Variants in CLVS1 observed in about 807,000 individuals in gnomAD.
The protein encoded by CLVS1 is clavesin 1.
CLVS1 carries 10 observed loss-of-function variants against 33.1 expected under a neutral mutation model. That is an observed-to-expected ratio of 0.30 (90% CI 0.19 to 0.51). The LOEUF (loss-of-function observed/expected upper bound fraction) is 0.51, where lower values mean the gene tolerates loss of function less well. CLVS1 is among the 20% of genes least tolerant of loss of function. The probability of loss-of-function intolerance (pLI) is 0.97; values close to 1 mark genes in which losing one functional copy is unlikely to be tolerated. For missense variants in CLVS1, 343 were observed against 433.4 expected (o/e 0.79, Z 1.85); for synonymous variants, 163 against 166.1 (o/e 0.98, Z 0.14).
rs185495372 is a variant in CLVS1, at chr8:61,255,365, G to A, written c.-151-44312G>A. Among the ~76,000 whole-genome samples the A allele has an allele frequency of 8.7e-4, 126 of 144,668 alleles. 1 individual carries two copies. Among genetic ancestry groups the A allele is most frequent in the South Asian group, 4.2e-3 (18 of 4,250 alleles). 94.9% of individuals were successfully genotyped at this position (144,668 alleles called of 152,430 possible). The stretch of plus-strand genomic sequence containing the variant: ...CCAGACTTCTCTTTAAGCTTCTTCC[G>A]TTATTCATTCAATCAGCAAATGTTT... On this transcript the variant is annotated intron_variant, in intron 2 of 2. Transcript: ENST00000522621.
chr8:61,499,463 CTG>C lies in CLVS1; in HGVS notation c.989_990del (p.Val330GlyfsTer9). 1 of 1,611,948 alleles carries C rather than the reference CTG, an allele frequency of 6.2e-7. No individual in the cohort carries two copies. Among genetic ancestry groups the C allele is most frequent in the Non-Finnish European group, 8.5e-7 (1 of 1,178,138 alleles). ...CCCTCCCCTCTTGTTAGATCTCAGT[CTG>C]TGGTAGAAGCTGGGACCCTGAAACA... On this transcript the variant is annotated frameshift_variant, in exon 6 of 6. Transcript: ENST00000325897. LOFTEE classifies it high-confidence loss of function.
At chr8:61,380,717 T>A (rs537077853) in intron 3 of CLVS1, among the ~76,000 whole-genome samples, 1 of 152,318 alleles carries the variant, frequency 6.6e-6, no homozygotes, top group South Asian at 2.1e-4. Flanking sequence ...ACCATTTTAA[T>A]ACAGCTCAGC....
intron 1 of CLVS1, among the ~76,000 whole-genome samples, chr8:61,118,937 C>T (rs925827568): frequency 3.3e-5 from 5 of 152,114 alleles, no homozygotes; most frequent in Non-Finnish European, 5.9e-5. Flanking sequence ...TGTTGACTTT[C>T]TGTCTCGTTG....
upstream of CLVS1, chr8:61,287,863 A>AT: frequency 3.9e-5 from 13 of 337,036 alleles, 1 homozygote; most frequent in South Asian, 2.7e-4. Flanking sequence ...ATTACAAATA[A>AT]TTATTGGTAC....
At chr8:61,457,749 T>C (rs1817218960) in intron 4 of CLVS1, among the ~76,000 whole-genome samples, 1 of 152,034 alleles carries the variant, frequency 6.6e-6, no homozygotes, top group Admixed American at 6.6e-5. Context: ...AAGACGTAAA[T>C]GAACATATCA....
chr8:61,363,054 A>C (rs983083778), intron 2 of CLVS1, among the ~76,000 whole-genome samples: 13 of 152,196 alleles, frequency 8.5e-5, no homozygotes, highest in African/African-American at 2.4e-4. Flanking sequence ...GGATTAAAGC[A>C]GGAGGTAAAA....
intron 2 of CLVS1, among the ~76,000 whole-genome samples, chr8:61,186,348 G>C (rs1240568474): frequency 6.6e-6 from 1 of 152,190 alleles, no homozygotes; most frequent in Non-Finnish European, 1.5e-5. Flanking sequence ...AAATAAAAAT[G>C]TAATGCAGTT....
At chr8:61,007,072 A>G in the CLVS1 span, among the ~76,000 whole-genome samples, 1 of 152,140 alleles carries the variant, frequency 6.6e-6, no homozygotes, top group South Asian at 2.1e-4. Flanking sequence ...ACTTAATTCC[A>G]GCGCATTTGT....
rs16927364 is a variant in CLVS1, at chr8:61,487,597, G to A, written c.978-11858G>A. On this transcript the variant is annotated intron_variant, in intron 5 of 5. Transcript: ENST00000325897. ...CTATTTTGGATGTATGTTCTCATTCGTGGCAGCCCAAATTCCATCCTGTCT... is the reference window on the plus strand; with the variant it reads ...CTATTTTGGATGTATGTTCTCATTCATGGCAGCCCAAATTCCATCCTGTCT... Among the ~76,000 whole-genome samples, 4 of 151,952 alleles carry A rather than the reference G, an allele frequency of 2.6e-5. No individual in the cohort carries two copies. The South Asian group carries it at 8.3e-4, about 31-fold the overall frequency.
At chr8:61,063,440 A>C (rs1804622253) in intron 1 of CLVS1, among the ~76,000 whole-genome samples, 1 of 152,148 alleles carries the variant, frequency 6.6e-6, no homozygotes, top group Non-Finnish European at 1.5e-5. Flanking sequence ...AGCATTACAG[A>C]GACAGGGACC....
chr8:61,413,492 C>G (rs1815313136), intron 3 of CLVS1, among the ~76,000 whole-genome samples: 1 of 152,106 alleles, frequency 6.6e-6, no homozygotes, highest in Admixed American at 6.5e-5. Flanking sequence ...GCATTAATTA[C>G]AGAAATGATC....
intron 2 of CLVS1, among the ~76,000 whole-genome samples, chr8:61,321,022 C>G (rs902507956): frequency 9.2e-5 from 14 of 152,118 alleles, no homozygotes. Flanking sequence ...AATTTTATAA[C>G]CATTTAAAAC....
chr8:61,116,846 C>T (rs7820098), intron 1 of CLVS1, among the ~76,000 whole-genome samples: 21,296 of 135,298 alleles, frequency 0.16, 2,140 homozygotes, highest in East Asian at 0.57. Context: ...ATTGACTTGG[C>T]GATGCGGGCT....
chr8:61,395,176 G>A (rs1485135426), intron 3 of CLVS1, among the ~76,000 whole-genome samples: 1 of 152,156 alleles, frequency 6.6e-6, no homozygotes, highest in East Asian at 1.9e-4. Context: ...GGAACTGAAG[G>A]ACATTATCTA....
At chr8:61,352,401 A>G (rs1812506022) in intron 2 of CLVS1, among the ~76,000 whole-genome samples, 1 of 152,048 alleles carries the variant, frequency 6.6e-6, no homozygotes, top group Admixed American at 6.6e-5. Flanking sequence ...AATAAATAGA[A>G]AAGAATTAAT....
chr8:61,416,912 A>G (rs1446451400), intron 3 of CLVS1, among the ~76,000 whole-genome samples: 1 of 152,164 alleles, frequency 6.6e-6, no homozygotes. Context: ...AGAGAGTTTG[A>G]GAGGGTGGAA....
At chr8:61,291,185 G>C (rs1022998888) in intron 1 of CLVS1, among the ~76,000 whole-genome samples, 4 of 152,206 alleles carry the variant, frequency 2.6e-5, no homozygotes, top group African/African-American at 9.7e-5. Flanking sequence ...TCTCAGGTCA[G>C]GTTGCCCTAG....
upstream of CLVS1, among the ~76,000 whole-genome samples, chr8:61,053,267 G>A (rs559904694): frequency 2.8e-4 from 43 of 152,274 alleles, no homozygotes; most frequent in African/African-American, 1.0e-3. Context: ...GATGCAATGA[G>A]ATTACCACTG....
chr8:61,292,216 A>G (rs1366440493), intron 1 of CLVS1: 7 of 384,422 alleles, frequency 1.8e-5, no homozygotes, highest in Non-Finnish European at 3.2e-5. Flanking sequence ...TGAAGAAATA[A>G]GAGCTCAGAA....
Sources: allele counts gnomAD v4.1 joint callset (sites outside exome capture counted in the v4.1 genomes callset), GRCh38; gene constraint gnomAD v4.1.1; transcripts MANE v1.5; gene names NCBI Gene and HGNC (gene_info 2026-07-23, HGNC 2026-07-21).